The following SND1 variants were observed in gnomAD, a reference collection of about 807,000 sequenced individuals.
The protein encoded by SND1 is staphylococcal nuclease and tudor domain containing 1.
In SND1, 38 loss-of-function variants were observed where a neutral mutation model predicts 121.7. The ratio of observed to expected loss-of-function variants is 0.31; its 90% CI spans 0.24 to 0.41. SND1 has a LOEUF of 0.41. Ranked by LOEUF, SND1 falls within the 10% of genes least tolerant of loss-of-function variation. The pLI is 1.00. For missense variants in SND1, 868 were observed against 1,184.6 expected (o/e 0.73, Z 3.92); for synonymous variants, 401 against 447.4 (o/e 0.90, Z 1.31).
rs558678410 is a variant in SND1 at position 127,858,207 on chromosome 7, C to T, written c.1343+13783C>T. ...CCCTTCAGCCGCATGGCCAACTGTT[C>T]CCTCGTTTCCTGGTACATGCCAAGG... On this transcript the variant is annotated intron_variant, in intron 12 of 23. Transcript: ENST00000354725. The T allele has an allele frequency of 1.2e-3, 969 of 783,276 alleles. 8 individuals are homozygous for T. In the Middle Eastern group the frequency reaches 0.018, roughly 14 times the overall value. 48.5% of individuals were successfully genotyped at this position (783,276 alleles called of 1,614,324 possible).
At chr7:128,058,847 C>T (rs890930428) in intron 16 of SND1, among the ~76,000 whole-genome samples, 13 of 152,128 alleles carry the variant, frequency 8.5e-5, no homozygotes, top group African/African-American at 2.4e-4. Context: ...TCCCCTCCTT[C>T]CTTAAAACCA....
chr7:127,658,835 G>C (rs1242953902), intron 1 of SND1, among the ~76,000 whole-genome samples: 1 of 152,192 alleles, frequency 6.6e-6, no homozygotes, highest in African/African-American at 2.4e-5. Flanking sequence ...TGTGATTTCT[G>C]TTTGTAGGTT....
In SND1 at chr7:127,698,900, A is replaced by G; in HGVS notation, c.375A>G (p.Glu125=). The G allele has an allele frequency of 1.2e-6, 2 of 1,613,754 alleles. No individual in the cohort carries two copies. Among genetic ancestry groups the G allele is most frequent in the South Asian group, 2.2e-5 (2 of 91,066 alleles). The change falls in exon 4 of 24, where the codon GAA becomes GAG. Residue 125 remains glutamate, a synonymous_variant. Coordinates refer to ENST00000354725, the MANE Select transcript of SND1 (RefSeq NM_014390.4). ...GKDTNGENIA[E]SLVAEGLATR... ...ATACCAATGGGGAAAACATTGCAGA[A>G]TCACTGGTTGCAGAGGGCTTAGCCA...
chr7:128,048,456 T>C (rs960874462), intron 16 of SND1, among the ~76,000 whole-genome samples: 1 of 152,210 alleles, frequency 6.6e-6, no homozygotes, highest in Non-Finnish European at 1.5e-5. Context: ...GCCTCATGTA[T>C]GACGCCTCAA....
chr7:127,957,035 C>T (rs192303383), intron 15 of SND1, among the ~76,000 whole-genome samples: 2 of 152,110 alleles, frequency 1.3e-5, no homozygotes, highest in Admixed American at 6.5e-5. Context: ...ATTGAGAGGC[C>T]GTCTGAGAAA....
chr7:127,890,001 C>A (rs1460732463), intron 13 of SND1, among the ~76,000 whole-genome samples: 1 of 152,080 alleles, frequency 6.6e-6, no homozygotes, highest in African/African-American at 2.4e-5. Flanking sequence ...GTACAGATAT[C>A]TCTTCGATAT....
intron 15 of SND1, among the ~76,000 whole-genome samples, chr7:127,972,030 C>G (rs972427779): frequency 6.6e-6 from 1 of 152,026 alleles, no homozygotes; most frequent in African/African-American, 2.4e-5. Context: ...CCGCCTCGGC[C>G]TCCCAAAGTG....
rs544719916 is a variant in SND1, at chr7:127,704,535, A to G, written c.841-304A>G. Among the ~76,000 whole-genome samples, 7 of 152,348 alleles carry G rather than the reference A, an allele frequency of 4.6e-5. No homozygotes were observed. In the East Asian group the frequency reaches 1.3e-3, roughly 29 times the overall value. On this transcript the variant is annotated intron_variant, in intron 7 of 23. Coordinates refer to ENST00000354725, the MANE Select transcript of SND1 (RefSeq NM_014390.4). The stretch of plus-strand genomic sequence containing the variant: ...TTAACATCCTCCTCTGCCCACAAGA[A>G]GAGCTATTGAAATGTCAATTCCATT...
chr7:128,023,932 ATT>A (rs1803417200), intron 16 of SND1, among the ~76,000 whole-genome samples: 1 of 152,084 alleles, frequency 6.6e-6, no homozygotes, highest in Non-Finnish European at 1.5e-5. Context: ...AGATAGTAAT[ATT>A]GTCTGTATTT....
chr7:127,998,863 AGT>A (rs1399604225), intron 16 of SND1: 3 of 152,224 alleles, frequency 2.0e-5, no homozygotes, highest in African/African-American at 7.2e-5. Context: ...GCCTTCCCCA[AGT>A]GAGCTCAGCA....
chr7:127,971,373 C>T (rs1052345042), intron 15 of SND1, among the ~76,000 whole-genome samples: 4 of 152,186 alleles, frequency 2.6e-5, no homozygotes, highest in Non-Finnish European at 5.9e-5. Context: ...GCTGTCATGT[C>T]TGCTAGAAGA....
chr7:127,913,331 TGCAAATGCACTCA>T (rs1459633965), intron 14 of SND1, among the ~76,000 whole-genome samples: 4 of 152,238 alleles, frequency 2.6e-5, no homozygotes, highest in Non-Finnish European at 4.4e-5. Flanking sequence ...CAGGAGTGCA[TGCAAATGCACTCA>T]GCATTTGCAA....
intron 15 of SND1, among the ~76,000 whole-genome samples, chr7:127,936,157 T>G (rs1801057204): frequency 6.6e-6 from 1 of 152,172 alleles, no homozygotes; most frequent in African/African-American, 2.4e-5. Context: ...AGCACCTGCC[T>G]TAGGCTTGGC....
intron 10 of SND1, among the ~76,000 whole-genome samples, chr7:127,795,950 C>T (rs1413706780): frequency 2.0e-5 from 3 of 151,934 alleles, no homozygotes; most frequent in African/African-American, 7.3e-5. Context: ...CTCCGCCTCC[C>T]GGGTTCACGC....
At chr7:127,927,643 G>A (rs887425605) in intron 14 of SND1, among the ~76,000 whole-genome samples, 4 of 152,150 alleles carry the variant, frequency 2.6e-5, no homozygotes, top group South Asian at 2.1e-4. Flanking sequence ...AGAATGGATC[G>A]CTGTCTCTCT....
intron 1 of SND1, among the ~76,000 whole-genome samples, chr7:127,656,904 A>G (rs1178512188): frequency 6.6e-6 from 1 of 152,254 alleles, no homozygotes; most frequent in East Asian, 1.9e-4. Flanking sequence ...TAGATAGGCT[A>G]GGATGGAAGG....
intron 11 of SND1, among the ~76,000 whole-genome samples, chr7:127,833,051 C>G (rs1798792724): frequency 6.6e-6 from 1 of 152,134 alleles, no homozygotes; most frequent in Admixed American, 6.5e-5. Flanking sequence ...TTGGGGACCA[C>G]TTTCTTAGAG....
At chr7:128,060,977 A>C (rs1793221571) in intron 16 of SND1, among the ~76,000 whole-genome samples, 3 of 152,182 alleles carry the variant, frequency 2.0e-5, no homozygotes, top group Admixed American at 2.0e-4. Context: ...TGCATGTATC[A>C]GTGGAATTCT....
At chr7:127,703,402 T>G in intron 7 of SND1, 79 bp downstream of exon 7, 7 of 1,495,502 alleles carry the variant, frequency 4.7e-6, no homozygotes, top group Non-Finnish European at 6.4e-6. Context: ...TTGCTTCTCT[T>G]TCTCTGTATT....
Sources: allele counts gnomAD v4.1 joint callset (sites outside exome capture counted in the v4.1 genomes callset), GRCh38; gene constraint gnomAD v4.1.1; transcripts MANE v1.5; gene names NCBI Gene and HGNC (gene_info 2026-07-23, HGNC 2026-07-21).